The following ZZZ3 variants were observed in gnomAD, a reference collection of about 807,000 sequenced individuals.
ZZZ3 encodes ZZ-type zinc finger-containing protein 3.
A neutral mutation model predicts 95.2 loss-of-function variants in ZZZ3; 22 were observed. The ratio of observed to expected loss-of-function variants is 0.23; its 90% confidence interval spans 0.17 to 0.33. ZZZ3 has a LOEUF of 0.33. ZZZ3 is among the 10% of genes least tolerant of loss of function. The probability of loss-of-function intolerance (pLI) is 1.00; values close to 1 mark genes in which losing one functional copy is unlikely to be tolerated. For missense variants in ZZZ3, 885 were observed against 1,066.5 expected (o/e 0.83, Z 2.37); for synonymous variants, 335 against 358.9 (o/e 0.93, Z 0.75).
intron 5 of ZZZ3, among the ~76,000 whole-genome samples, chr1:77,607,600 A>G (rs1448869958): frequency 1.3e-5 from 2 of 152,204 alleles, no homozygotes; most frequent in African/African-American, 4.8e-5. Flanking sequence ...CAGAAGAAAG[A>G]ATTAGTGAGC....
chr1:77,634,445 A>G (rs1046551035), intron 4 of ZZZ3, among the ~76,000 whole-genome samples: 3 of 152,192 alleles, frequency 2.0e-5, no homozygotes, highest in African/African-American at 2.4e-5. Context: ...TGCATTGGCT[A>G]AGAACAAAAC....
intron 1 of ZZZ3, among the ~76,000 whole-genome samples, chr1:77,676,481 T>C (rs555344359): frequency 1.3e-5 from 2 of 152,334 alleles, no homozygotes; most frequent in Middle Eastern, 3.4e-3. Context: ...TACTTTTAAG[T>C]AGTTTCACAT....
intron 5 of ZZZ3, among the ~76,000 whole-genome samples, chr1:77,600,911 TGA>T (rs1286713250): frequency 1.3e-5 from 2 of 152,218 alleles, no homozygotes; most frequent in African/African-American, 4.8e-5. Flanking sequence ...CAGACTAGAC[TGA>T]GTTTTAACCT....
At chr1:77,656,219 C>A (rs1038901813) in intron 1 of ZZZ3, among the ~76,000 whole-genome samples, 3 of 152,126 alleles carry the variant, frequency 2.0e-5, no homozygotes, top group Admixed American at 1.3e-4. Context: ...AATTTTAATT[C>A]TTGGCTTGCT....
At chr1:77,573,296 T>G (rs1190919474) in intron 12 of ZZZ3, among the ~76,000 whole-genome samples, 1 of 151,716 alleles carries the variant, frequency 6.6e-6, no homozygotes, top group Non-Finnish European at 1.5e-5. Context: ...ATTTTTTTTT[T>G]TTTTAAGTAG....
At chr1:77,619,757 T>C (rs1666665954) in intron 5 of ZZZ3, among the ~76,000 whole-genome samples, 1 of 152,194 alleles carries the variant, frequency 6.6e-6, no homozygotes, top group African/African-American at 2.4e-5. Flanking sequence ...ACTCCTCTTA[T>C]ATGTCTCCAC....
intron 1 of ZZZ3, among the ~76,000 whole-genome samples, chr1:77,662,396 G>A (rs1249010120): frequency 6.6e-6 from 1 of 151,826 alleles, no homozygotes; most frequent in Non-Finnish European, 1.5e-5. Flanking sequence ...CTCCTCCCCT[G>A]GCCTCCCAAA....
intron 5 of ZZZ3, among the ~76,000 whole-genome samples, chr1:77,587,755 C>T (rs1194310068): frequency 6.6e-6 from 1 of 152,184 alleles, no homozygotes; most frequent in African/African-American, 2.4e-5. Flanking sequence ...ACAGTTCGAA[C>T]TGCGTGGATC....
At position 77,581,780 on chromosome 1, in the gene ZZZ3, G is replaced by A. The variant is rs1662553617; in HGVS notation, c.1904C>T (p.Pro635Leu). 1 of 1,610,544 alleles carries A rather than the reference G, an allele frequency of 6.2e-7. No individual in the cohort carries two copies. The highest frequency in any genetic ancestry group is 8.5e-7 in the Non-Finnish European group (1 of 1,177,964). ...SDGPEGSSSR[P>L]QMIRGRLCDD... is the part of the protein sequence containing the mutation. Reference sequence around the variant, plus strand: ...CCAATATTTCACACTGCTTACCTGAGGACGACTGCTTGAGCCTTCTGGACC... The same window carrying A: ...CCAATATTTCACACTGCTTACCTGAAGACGACTGCTTGAGCCTTCTGGACC... The change falls in exon 8 of 15, where the codon CCT becomes CTT. Residue 635 changes from proline to leucine, a missense_variant. This residue lies in a region of ZZZ3 where 99 missense variants were observed against 119.8 expected (regional missense o/e 0.83). Coordinates refer to ENST00000370801, the MANE Select transcript of ZZZ3 (RefSeq NM_015534.6).
chr1:77,585,259 G>A (rs1172363717), intron 5 of ZZZ3, among the ~76,000 whole-genome samples: 2 of 152,136 alleles, frequency 1.3e-5, no homozygotes, highest in African/African-American at 4.8e-5. Context: ...ATCATTTAAA[G>A]AGAAGAAAGG....
chr1:77,595,146 A>C (rs1664101995), intron 5 of ZZZ3, among the ~76,000 whole-genome samples: 1 of 152,066 alleles, frequency 6.6e-6, no homozygotes. Context: ...CTTCAAGATC[A>C]TTACAATTTA....
intron 1 of ZZZ3, among the ~76,000 whole-genome samples, chr1:77,676,003 A>C (rs2101078701): frequency 6.6e-6 from 1 of 152,352 alleles, no homozygotes; most frequent in South Asian, 2.1e-4. Context: ...CTGTTAAATG[A>C]AACTTTTTCA....
intron 5 of ZZZ3, among the ~76,000 whole-genome samples, chr1:77,620,330 T>C (rs975249276): frequency 6.6e-6 from 1 of 152,020 alleles, no homozygotes; most frequent in Non-Finnish European, 1.5e-5. Context: ...TTTTAAAGAG[T>C]CGATTTTATT....
At chr1:77,639,758 T>C (rs776168725) in intron 3 of ZZZ3, among the ~76,000 whole-genome samples, 156 bp from the exon 4 acceptor site, 2 of 152,022 alleles carry the variant, frequency 1.3e-5, no homozygotes, top group Non-Finnish European at 2.9e-5. Context: ...TCAAGAATAC[T>C]AAGAAACTGA....
chr1:77,570,242 A>G (rs1661243809), intron 12 of ZZZ3, among the ~76,000 whole-genome samples: 1 of 152,134 alleles, frequency 6.6e-6, no homozygotes, highest in South Asian at 2.1e-4. Context: ...AGCTGGGACT[A>G]CAGGTGCCCG....
chr1:77,604,437 G>T (rs1316202518), intron 5 of ZZZ3, among the ~76,000 whole-genome samples: 1 of 152,158 alleles, frequency 6.6e-6, no homozygotes, highest in Admixed American at 6.5e-5. Context: ...AAGGTACAAA[G>T]ATAATATATA....
At chr1:77,600,968 CAA>C (rs1294992875) in intron 5 of ZZZ3, among the ~76,000 whole-genome samples, 1 of 152,062 alleles carries the variant, frequency 6.6e-6, no homozygotes, top group South Asian at 2.1e-4. Flanking sequence ...TGGAGAATCA[CAA>C]AAGTTTTGCA....
chr1:77,672,570 T>C (rs1245307946), intron 1 of ZZZ3, among the ~76,000 whole-genome samples: 1 of 152,200 alleles, frequency 6.6e-6, no homozygotes, highest in Non-Finnish European at 1.5e-5. Flanking sequence ...GTACTAAATC[T>C]GAAACTCTAA....
chr1:77,571,895 T>C (rs1411919443), intron 12 of ZZZ3, among the ~76,000 whole-genome samples: 1 of 152,228 alleles, frequency 6.6e-6, no homozygotes, highest in Admixed American at 6.5e-5. Flanking sequence ...CTGTATACTA[T>C]AAAAATGGTG....
Sources: allele counts gnomAD v4.1 joint callset (sites outside exome capture counted in the v4.1 genomes callset), GRCh38; gene constraint gnomAD v4.1.1; regional missense constraint gnomAD v4.1.1; transcripts MANE v1.5; gene names NCBI Gene and HGNC (gene_info 2026-07-23, HGNC 2026-07-21).